Variants in DYNC1H1 observed in about 807,000 individuals in gnomAD.
DYNC1H1 encodes the protein cytoplasmic dynein 1 heavy chain 1.
DYNC1H1 carries 51 observed loss-of-function variants against 527.1 expected under a neutral mutation model. The ratio of observed to expected loss-of-function variants is 0.10; its 90% CI spans 0.08 to 0.12. The LOEUF is 0.12. Among genes scored for constraint, DYNC1H1 ranks in the 10% least tolerant of loss-of-function variants. The pLI, the probability that DYNC1H1 is intolerant of heterozygous loss-of-function variation, is 1.00. For synonymous variants in DYNC1H1, 2,189 were observed against 2,278.8 expected (o/e 0.96, Z 1.12); for missense variants, 2,771 against 5,971.8 (o/e 0.46, Z 17.66).
chr14:101,969,671 C>T (rs571194143), intron 1 of DYNC1H1: 1 of 152,426 alleles, frequency 6.6e-6, no homozygotes, highest in South Asian at 2.1e-4. Flanking sequence ...AGGCTCTGCA[C>T]TCAGTGGTAT....
At chr14:102,040,446 G>A in intron 63 of DYNC1H1, 36 bp downstream of exon 63, 1 of 1,613,952 alleles carries the variant, frequency 6.2e-7, no homozygotes, top group Non-Finnish European at 8.5e-7. Context: ...GTAGGTAAAT[G>A]TTGGCCTTTT....
At position 101,979,197 on chromosome 14, in the gene DYNC1H1, A is replaced by G; in HGVS notation, c.345-122A>G. The G allele has an allele frequency of 1.1e-6, 1 of 950,020 alleles. No homozygotes were observed. Among genetic ancestry groups the G allele is most frequent in the African/African-American group, 1.6e-5 (1 of 60,820 alleles). 58.8% of individuals were successfully genotyped at this position (950,020 alleles called of 1,614,324 possible). On this transcript the variant is annotated intron_variant, in intron 2 of 77. Coordinates refer to ENST00000360184, the MANE Select transcript of DYNC1H1 (RefSeq NM_001376.5). The surrounding 1 kb of genome is among the most constrained non-coding windows in gnomAD (Gnocchi z 4.6). ...AGTAGCTCTCATGTACTAAAGAAAGACAAGCAGTGCATTTCACTATTAGAA... is the reference window on the plus strand; with the variant it reads ...AGTAGCTCTCATGTACTAAAGAAAGGCAAGCAGTGCATTTCACTATTAGAA...
chr14:102,047,791 GCTGCGA>G lies in DYNC1H1; in HGVS notation c.13007-22_13007-17del, dbSNP rs769833151. On this transcript the variant is annotated intron_variant, in intron 72 of 77. Coordinates refer to ENST00000360184, the MANE Select transcript of DYNC1H1 (RefSeq NM_001376.5). ...CTTGCCCGTCCCCTCCCTCCTTCCT[GCTGCGA>G]CTGTGGGACTGTGGCCCAGGTGTGG... The G allele has an allele frequency of 6.2e-7, 1 of 1,612,010 alleles. No homozygotes were observed. The highest frequency in any genetic ancestry group is 8.5e-7 in the Non-Finnish European group (1 of 1,179,876).
Position 102,053,765 on chromosome 14 carries a change from T to TTTTTTTTTG in DYNC1H1, c.*3203_*3204insTTTTTTTGT, listed in dbSNP as rs2048848521. On this transcript the variant is annotated 3_prime_UTR_variant, in exon 78 of 78. Coordinates refer to ENST00000360184, the MANE Select transcript of DYNC1H1 (RefSeq NM_001376.5). The stretch of plus-strand genomic sequence containing the variant: ...CCTCTTTGTTTGTTTTTTTTTTTTT[T>TTTTTTTTTG]TGAGACAGTCTGGCTCTGTCACTGA... 6.6e-6 allele frequency: 1 copy of TTTTTTTTTG among 150,578 alleles called. No individual in the cohort carries two copies. The highest frequency in any genetic ancestry group is 2.4e-5 in the African/African-American group (1 of 40,898). 9.3% of individuals were successfully genotyped at this position (150,578 alleles called of 1,614,324 possible). A position where few individuals can be genotyped will look rare whatever the true frequency, so the allele number is the denominator to read the frequency against.
rs2048270249 is a variant in DYNC1H1, at chr14:102,012,553, A to G, written c.7014+83A>G. The stretch of plus-strand genomic sequence containing the variant: ...GTGTGCTAGCTAAGTGCAGCTCTGG[A>G]GTCATGGACCCAGATTCCATGGAGT... On this transcript the variant is annotated intron_variant, in intron 34 of 77. Coordinates refer to ENST00000360184, the MANE Select transcript of DYNC1H1 (RefSeq NM_001376.5). This position sits in a 1 kb window ranked among gnomAD's most constrained non-coding sequence, Gnocchi z 4.9. The G allele has an allele frequency of 1.9e-6, 3 of 1,563,668 alleles. No homozygotes were observed. Among genetic ancestry groups the G allele is most frequent in the Non-Finnish European group, 2.6e-6 (3 of 1,136,304 alleles).
Position 102,015,451 on chromosome 14 carries a change from T to G in DYNC1H1, c.7242+119T>G. ...CTGGGCCCAAGCAATCCACCTGCCT[T>G]GGCCTCTCAAAGTGCTGGGATTACA... On this transcript the variant is annotated intron_variant, in intron 35 of 77. Transcript: ENST00000360184. The surrounding 1 kb of genome is among the most constrained non-coding windows in gnomAD (Gnocchi z 6.9). The G allele has an allele frequency of 8.2e-7, 1 of 1,215,046 alleles. No individual in the cohort carries two copies. The highest frequency in any genetic ancestry group is 1.1e-6 in the Non-Finnish European group (1 of 875,188). 75.3% of individuals were successfully genotyped at this position (1,215,046 alleles called of 1,614,324 possible).
At chr14:102,009,597 G>T (rs368393990) in intron 29 of DYNC1H1, 73 of 523,134 alleles carry the variant, frequency 1.4e-4, no homozygotes, top group African/African-American at 1.3e-3. Context: ...TAAAATAGTG[G>T]TCTCTGCCTC....
intron 17 of DYNC1H1, 45 bp downstream of exon 17, chr14:102,000,189 G>A (rs371923660): frequency 2.5e-4 from 396 of 1,613,950 alleles, no homozygotes; most frequent in Non-Finnish European, 3.1e-4. Context: ...CTCCCCACCC[G>A]GACTCTGCCA....
intron 11 of DYNC1H1, among the ~76,000 whole-genome samples, chr14:101,992,534 G>A (rs2048009209): frequency 6.6e-6 from 1 of 152,172 alleles, no homozygotes; most frequent in Admixed American, 6.5e-5. Context: ...ACTAAAGCCA[G>A]CAGTCTCCTT....
At chr14:102,000,515 A>G in intron 18 of DYNC1H1, 116 bp downstream of exon 18, 1 of 874,748 alleles carries the variant, frequency 1.1e-6, no homozygotes, top group Non-Finnish European at 1.9e-6. Context: ...ATGTCATTTA[A>G]TGTCCTGCAT....
In DYNC1H1 at chr14:101,986,660, T is replaced by C. The variant is rs773547996; in HGVS notation, c.2435T>C (p.Val812Ala). The C allele has an allele frequency of 7.4e-6, 12 of 1,613,712 alleles. No homozygotes were observed. The highest frequency in any genetic ancestry group is 1.0e-5 in the Non-Finnish European group (12 of 1,179,776). ...TTGGTGGCTGGCTTGAAAAAGGAAG[T>C]GCAGGCCCTGATCGCAGAAGGCATT... Reference protein sequence around the residue: ...SLLVAGLKKEVQALIAEGIAL... With the variant: ...SLLVAGLKKEAQALIAEGIAL... The change falls in exon 8 of 78, where the codon GTG becomes GCG. Residue 812 changes from valine to alanine, a missense_variant. Physicochemically the swap from Val to Ala is moderately conservative, Grantham distance 64 (BLOSUM62 0). This residue lies in a region of DYNC1H1 where 24 missense variants were observed against 19.0 expected (regional missense o/e 1.26). Transcript: ENST00000360184. This position sits in a 1 kb window ranked among gnomAD's most constrained non-coding sequence, Gnocchi z 8.7.
chr14:102,014,964 C>A, intron 34 of DYNC1H1, 141 bp from the exon 35 acceptor site: 1 of 931,000 alleles, frequency 1.1e-6, no homozygotes, highest in Non-Finnish European at 1.7e-6. Flanking sequence ...TACAGGCACA[C>A]GCCACCATGC....
rs1254905282 is a variant in DYNC1H1 at position 102,038,385 on chromosome 14, GACAGCAAC to G, written c.10909-73_10909-66del. 64 of 1,590,056 alleles carry G rather than the reference GACAGCAAC, an allele frequency of 4.0e-5. No individual in the cohort carries two copies. In the East Asian group the frequency reaches 1.4e-3, roughly 35 times the overall value. ...GGGAAGGTATGCTTATCCAGAGTAG[GACAGCAAC>G]ATAGCATTTGGGTGAAGATAAAGTT... On this transcript the variant is annotated intron_variant, in intron 57 of 77. Coordinates refer to ENST00000360184, the MANE Select transcript of DYNC1H1 (RefSeq NM_001376.5). The surrounding 1 kb of genome is among the most constrained non-coding windows in gnomAD (Gnocchi z 7.2).
At position 102,029,371 on chromosome 14, in the gene DYNC1H1, A is replaced by C; in HGVS notation, c.9469-168A>C. ...AGAGAGGTTTGGAAGTGTAAGGGGT[A>C]TCTCGAAAGCTCTAAGTGGCTAAGC... On this transcript the variant is annotated intron_variant, in intron 48 of 77. Transcript: ENST00000360184. This position sits in a 1 kb window ranked among gnomAD's most constrained non-coding sequence, Gnocchi z 5.3. The C allele has an allele frequency of 1.3e-6, 1 of 765,774 alleles. No individual in the cohort carries two copies. The highest frequency in any genetic ancestry group is 2.1e-6 in the Non-Finnish European group (1 of 468,088). The allele number at this position is 765,774 out of a possible 1,614,324, so 47.4% of individuals were successfully genotyped here. A position where few individuals can be genotyped will look rare whatever the true frequency, so the allele number is the denominator to read the frequency against.
At position 102,007,121 on chromosome 14, in the gene DYNC1H1, A is replaced by G; in HGVS notation, c.5817+13A>G. The G allele has an allele frequency of 6.2e-7, 1 of 1,613,654 alleles. No individual in the cohort carries two copies. The highest frequency in any genetic ancestry group is 8.5e-7 in the Non-Finnish European group (1 of 1,179,604). ...CTTTGATTTCCAGGTGAGACACTTT[A>G]TGGGATCCACCTAAAATGTAATGCC... On this transcript the variant is annotated intron_variant, in intron 28 of 77. Transcript: ENST00000360184.
rs1447381164 is a variant in DYNC1H1 at position 102,004,555 on chromosome 14, A to G, written c.4921A>G (p.Ile1641Val). 2 of 1,613,816 alleles carry G rather than the reference A, an allele frequency of 1.2e-6. No homozygotes were observed. Among genetic ancestry groups the G allele is most frequent in the Non-Finnish European group, 1.7e-6 (2 of 1,179,890 alleles). The change falls in exon 24 of 78, where the codon ATT becomes GTT. Residue 1641 changes from isoleucine (I) to valine (V), a missense_variant. Transcript: ENST00000360184. Reference protein sequence around the residue: ...FVGDEDLLEIIGNSKNVAKLQ... With the variant: ...FVGDEDLLEIVGNSKNVAKLQ... ...GGGTGATGAAGATTTGCTTGAAATC[A>G]TTGGAAACAGCAAGAATGTCGCTAA...
At chr14:102,046,784 G>C (rs778295164) in intron 72 of DYNC1H1, among the ~76,000 whole-genome samples, 3 of 151,750 alleles carry the variant, frequency 2.0e-5, no homozygotes, top group Non-Finnish European at 4.4e-5. Flanking sequence ...CTTTGGACTC[G>C]GGCTGCTGGT....
At chr14:101,984,988 C>T (rs1334293166) in intron 7 of DYNC1H1, among the ~76,000 whole-genome samples, 1 of 150,916 alleles carries the variant, frequency 6.6e-6, no homozygotes, top group African/African-American at 2.4e-5. Flanking sequence ...CCATGTTGGC[C>T]AGGCTGGTCT....
At chr14:102,032,949 C>T in intron 52 of DYNC1H1, 116 bp from the exon 53 acceptor site, 1 of 1,030,146 alleles carries the variant, frequency 9.7e-7, no homozygotes, top group Admixed American at 1.8e-5. Flanking sequence ...CCCCAGTGGT[C>T]AGTCACTGGG....
Sources: gnomAD v4.1 joint callset for allele counts (sites outside exome capture counted in the v4.1 genomes callset) on GRCh38, gnomAD v4.1.1 for gene constraint, gnomAD v4.1.1 regional missense constraint, Gnocchi (gnomAD v3.1) non-coding constraint, MANE v1.5 for transcripts, NCBI Gene and HGNC (gene_info 2026-07-23, HGNC 2026-07-21) for gene names.